Variants in GLIS3 observed in about 807,000 individuals in gnomAD.
GLIS3 encodes zinc finger protein GLIS3.
A neutral mutation model predicts 78.6 loss-of-function variants in GLIS3; 53 were observed. That is an observed-to-expected ratio of 0.67 (90% CI 0.54 to 0.85). The LOEUF is 0.85. Ranked by LOEUF, GLIS3 falls within the 40% of genes least tolerant of loss-of-function variation. GLIS3 has a pLI of 0.00. For missense variants in GLIS3, 1,703 were observed against 1,231.1 expected (o/e 1.38, Z -5.74); for synonymous variants, 684 against 509.9 (o/e 1.34, Z -4.60).
intron 2 of GLIS3, among the ~76,000 whole-genome samples, chr9:4,201,032 T>C (rs979452128): frequency 2.0e-5 from 3 of 152,188 alleles, no homozygotes; most frequent in African/African-American, 7.2e-5. Context: ...TGGTTCATCA[T>C]ATGCAAATCC....
At chr9:4,414,769 T>C in the GLIS3 span, among the ~76,000 whole-genome samples, 77 of 152,300 alleles carry the variant, frequency 5.1e-4, no homozygotes, top group African/African-American at 1.8e-3. Context: ...ATCCTGCATA[T>C]CTGATCATCC....
At chr9:4,264,791 T>G (rs1207527551) in intron 2 of GLIS3, among the ~76,000 whole-genome samples, 1 of 152,192 alleles carries the variant, frequency 6.6e-6, no homozygotes, top group Non-Finnish European at 1.5e-5. Context: ...TGATTGCTAC[T>G]TTCATTAGAA....
In GLIS3 at chr9:4,265,052, T is replaced by G. The variant is rs572336049; in HGVS notation, c.388+20986A>C. Among the ~76,000 whole-genome samples, 16 of 151,242 alleles carry G rather than the reference T, an allele frequency of 1.1e-4. No homozygotes were observed. In the East Asian group the frequency reaches 3.1e-3, roughly 29 times the overall value. Reference sequence around the variant, plus strand: ...CCGGGTGTGGTGGCGGGCGCCTGTATTCCCAGCTACTCGGGAGGCTGAGGC... The same window carrying G: ...CCGGGTGTGGTGGCGGGCGCCTGTAGTCCCAGCTACTCGGGAGGCTGAGGC... On this transcript the variant is annotated intron_variant, in intron 2 of 10. Transcript: ENST00000381971.
At chr9:4,078,427 C>T (rs1828264013) in intron 4 of GLIS3, among the ~76,000 whole-genome samples, 1 of 152,194 alleles carries the variant, frequency 6.6e-6, no homozygotes, top group Non-Finnish European at 1.5e-5. Context: ...CTCAAGTGCA[C>T]TTCCAAATCT....
intron 2 of GLIS3, among the ~76,000 whole-genome samples, chr9:4,237,908 A>G (rs752727299): frequency 1.3e-5 from 2 of 152,156 alleles, no homozygotes; most frequent in African/African-American, 2.4e-5. Context: ...TCCCTAGTTA[A>G]TTCACTAGCC....
intron 2 of GLIS3, among the ~76,000 whole-genome samples, chr9:4,172,765 T>A (rs1229675338): frequency 2.0e-5 from 3 of 152,142 alleles, no homozygotes; most frequent in Non-Finnish European, 2.9e-5. Flanking sequence ...ACTCAAGCTA[T>A]GCAATACCAA....
At chr9:4,158,559 C>A (rs1020855220) in intron 2 of GLIS3, among the ~76,000 whole-genome samples, 1 of 152,208 alleles carries the variant, frequency 6.6e-6, no homozygotes, top group African/African-American at 2.4e-5. Flanking sequence ...TGCTGAGATA[C>A]AGAAGTTGTC....
intron 2 of GLIS3, among the ~76,000 whole-genome samples, chr9:4,250,487 T>C (rs185783930): frequency 6.6e-6 from 1 of 152,310 alleles, no homozygotes; most frequent in Non-Finnish European, 1.5e-5. Context: ...TTTTATTGTG[T>C]CTATTTGATT....
intron 2 of GLIS3, among the ~76,000 whole-genome samples, chr9:4,166,048 C>T (rs1835864261): frequency 6.6e-6 from 1 of 152,170 alleles, no homozygotes; most frequent in Non-Finnish European, 1.5e-5. Flanking sequence ...AAAGCCTGGG[C>T]TACTGCTTAT....
intron 4 of GLIS3, among the ~76,000 whole-genome samples, chr9:4,024,765 G>A (rs764513202): frequency 6.6e-6 from 1 of 152,112 alleles, no homozygotes; most frequent in Non-Finnish European, 1.5e-5. Flanking sequence ...CAGCTCAATT[G>A]TCACAATCTT....
At chr9:4,298,465 G>C in intron 1 of GLIS3, 1 of 450,030 alleles carries the variant, frequency 2.2e-6, no homozygotes, top group Non-Finnish European at 4.5e-6. Context: ...TCCCCGAGGT[G>C]ACTTGTCAGC....
chr9:4,210,736 C>G (rs948505318), intron 2 of GLIS3, among the ~76,000 whole-genome samples: 6 of 152,248 alleles, frequency 3.9e-5, no homozygotes, highest in African/African-American at 1.4e-4. Flanking sequence ...CCTGCAGGCC[C>G]CACTGGCTGT....
intron 2 of GLIS3, among the ~76,000 whole-genome samples, chr9:4,259,125 C>T (rs1825263856): frequency 1.3e-5 from 2 of 152,122 alleles, no homozygotes; most frequent in African/African-American, 4.8e-5. Context: ...GATCTTATCT[C>T]TTTGTTGCAA....
At chr9:3,869,340 A>C (rs928166746) in intron 8 of GLIS3, among the ~76,000 whole-genome samples, 2 of 152,126 alleles carry the variant, frequency 1.3e-5, no homozygotes, top group Admixed American at 6.5e-5. Flanking sequence ...TTACTCAGAA[A>C]GTCCTGGAGA....
At chr9:4,285,966 G>A in intron 2 of GLIS3, 72 bp downstream of exon 2, 1 of 1,545,144 alleles carries the variant, frequency 6.5e-7, no homozygotes, top group East Asian at 2.2e-5. Context: ...CATAGGATTT[G>A]CTGGCAGAAA....
At chr9:3,900,982 T>C (rs10974067) in intron 6 of GLIS3, 22,400 of 152,110 alleles carry the variant, frequency 0.15, 1,906 homozygotes, top group Non-Finnish European at 0.19. Flanking sequence ...TTAACCGAAC[T>C]TGCAACATTC....
chr9:3,975,565 AT>A (rs144520900), intron 4 of GLIS3, among the ~76,000 whole-genome samples: 2,900 of 144,726 alleles, frequency 0.02, 82 homozygotes, highest in African/African-American at 0.063. Context: ...GCATTGCATC[AT>A]TTTTTTTTTT....
At chr9:4,098,766 G>A (rs371464317) in intron 4 of GLIS3, among the ~76,000 whole-genome samples, 3 of 152,054 alleles carry the variant, frequency 2.0e-5, no homozygotes, top group African/African-American at 4.8e-5. Context: ...CAAGGATCAC[G>A]ATTTAAATAA....
the GLIS3 span, among the ~76,000 whole-genome samples, chr9:4,392,879 A>G: frequency 2.6e-5 from 4 of 152,170 alleles, no homozygotes; most frequent in Non-Finnish European, 5.9e-5. Flanking sequence ...ATAACTGGAA[A>G]AAAATCCAGA....
Sources: gnomAD v4.1 joint callset for allele counts (sites outside exome capture counted in the v4.1 genomes callset) on GRCh38, gnomAD v4.1.1 for gene constraint, MANE v1.5 for transcripts, NCBI Gene and HGNC (gene_info 2026-07-23, HGNC 2026-07-21) for gene names.